CACNA1A: variants seen among roughly 807,000 people sequenced by gnomAD.
The protein encoded by CACNA1A is voltage-dependent P/Q-type calcium channel subunit alpha-1A.
CACNA1A carries 57 observed loss-of-function variants against 262.4 expected under a neutral mutation model. That is an observed-to-expected ratio of 0.22 (90% CI 0.18 to 0.27). The LOEUF (loss-of-function observed/expected upper bound fraction) is 0.27, where lower values mean the gene tolerates loss of function less well. Among genes scored for constraint, CACNA1A ranks in the 10% least tolerant of loss-of-function variants. The pLI, the probability that CACNA1A is intolerant of heterozygous loss-of-function variation, is 1.00. For synonymous variants in CACNA1A, 1,431 were observed against 1,419.3 expected, an observed-to-expected ratio of 1.01 and a Z score of -0.18; for missense variants, 2,526 against 3,562.8, an observed-to-expected ratio of 0.71 and a Z score of 7.41.
intron 3 of CACNA1A, among the ~76,000 whole-genome samples, chr19:13,415,569 G>A (rs1379379959): frequency 2.0e-5 from 3 of 151,216 alleles, no homozygotes; most frequent in South Asian, 2.1e-4. Context: ...GGCAAAACCC[G>A]GTCTCTACTG....
chr19:13,456,039 A>G (rs996105937), intron 1 of CACNA1A, among the ~76,000 whole-genome samples: 2 of 151,968 alleles, frequency 1.3e-5, no homozygotes, highest in Non-Finnish European at 2.9e-5. Flanking sequence ...AGTCCCAGCT[A>G]CTTGGGAGGC....
chr19:13,454,051 C>T (rs2161250), intron 2 of CACNA1A, among the ~76,000 whole-genome samples: 49,600 of 151,352 alleles, frequency 0.33, 10,041 homozygotes, highest in East Asian at 0.59. Flanking sequence ...TGTCTTTTTG[C>T]AGGCTAAGGA....
At chr19:13,263,750 A>T (rs1385884914) in intron 24 of CACNA1A, among the ~76,000 whole-genome samples, 1 of 151,696 alleles carries the variant, frequency 6.6e-6, no homozygotes, top group Non-Finnish European at 1.5e-5. Flanking sequence ...TGAACTCCTG[A>T]CCTCAGGTGA....
intron 38 of CACNA1A, among the ~76,000 whole-genome samples, chr19:13,223,259 T>A (rs938805765): frequency 2.0e-4 from 30 of 152,102 alleles, no homozygotes; most frequent in South Asian, 2.1e-4. Context: ...AGTGGCGTGA[T>A]CTCGGCTCAC....
At chr19:13,402,787 T>TATAC (rs1340501751) in intron 3 of CACNA1A, among the ~76,000 whole-genome samples, 1 of 129,020 alleles carries the variant, frequency 7.8e-6, no homozygotes, top group Non-Finnish European at 1.5e-5. Context: ...TACATATATA[T>TATAC]ACATATATAC....
chr19:13,265,691 T>C (rs907501771), intron 24 of CACNA1A, among the ~76,000 whole-genome samples: 1 of 152,170 alleles, frequency 6.6e-6, no homozygotes, highest in Non-Finnish European at 1.5e-5. Flanking sequence ...AAGTTTCTTT[T>C]CCACGTATCT....
chr19:13,210,669 G>T lies in CACNA1A; in HGVS notation c.6304-17C>A. 2 of 1,559,870 alleles carry T rather than the reference G, an allele frequency of 1.3e-6. No homozygotes were observed. Among genetic ancestry groups the T allele is most frequent in the South Asian group, 2.4e-5 (2 of 84,478 alleles). On this transcript the variant is annotated splice_polypyrimidine_tract_variant and intron_variant, in intron 43 of 46. Coordinates refer to ENST00000360228, the MANE Select transcript of CACNA1A (RefSeq NM_001127222.2). ...CCTTCTCCTCTGTCACAGCCCCATG[G>T]GATGGTGCACACAGAAAAAACAGAA...
chr19:13,422,744 A>C (rs893598874), intron 3 of CACNA1A, among the ~76,000 whole-genome samples: 4 of 152,152 alleles, frequency 2.6e-5, no homozygotes, highest in Non-Finnish European at 4.4e-5. Context: ...ATGTCAATGT[A>C]ACTGAGCCCC....
rs191997030 is a variant in CACNA1A, at chr19:13,385,610, T to C, written c.540-13831A>G. Among the ~76,000 whole-genome samples, 18 of 152,322 alleles carry C rather than the reference T, an allele frequency of 1.2e-4. 1 individual carries two copies. Among genetic ancestry groups the C allele is most frequent in the African/African-American group, 2.9e-4 (12 of 41,576 alleles). ...CCAGTCTCATGAGATCCTACTGCCT[T>C]GGACTCCTGAGTAGGTGGAACTATA... is the stretch of plus-strand genomic sequence containing the variant. On this transcript the variant is annotated intron_variant, in intron 3 of 46. Transcript: ENST00000360228.
At chr19:13,482,186 TAAG>T in intron 1 of CACNA1A, among the ~76,000 whole-genome samples, 1 of 152,086 alleles carries the variant, frequency 6.6e-6, no homozygotes, top group Admixed American at 6.5e-5. Context: ...CCACCAATAA[TAAG>T]AATAGCAGTA....
intron 3 of CACNA1A, among the ~76,000 whole-genome samples, chr19:13,375,412 T>C (rs929664725): frequency 1.3e-5 from 2 of 152,114 alleles, no homozygotes; most frequent in South Asian, 4.2e-4. Flanking sequence ...CTTTAAGTGC[T>C]CAAGTGAAAA....
chr19:13,326,176 C>T (rs1000693911), intron 10 of CACNA1A, among the ~76,000 whole-genome samples: 1 of 151,662 alleles, frequency 6.6e-6, no homozygotes, highest in East Asian at 2.0e-4. Context: ...ATTGGCAGGG[C>T]GTGGTGGTGT....
intron 11 of CACNA1A, among the ~76,000 whole-genome samples, chr19:13,313,320 G>A (rs1465404978): frequency 2.0e-5 from 3 of 151,814 alleles, no homozygotes. Context: ...TGGCTAACAT[G>A]GCAAACCCCG....
At chr19:13,352,162 T>C (rs1043798739) in intron 6 of CACNA1A, among the ~76,000 whole-genome samples, 1 of 152,096 alleles carries the variant, frequency 6.6e-6, no homozygotes, top group African/African-American at 2.4e-5. Context: ...TCAAGCCAAT[T>C]TGGGAGGCTG....
chr19:13,377,108 T>C (rs922471749), intron 3 of CACNA1A, among the ~76,000 whole-genome samples: 3 of 151,644 alleles, frequency 2.0e-5, no homozygotes, highest in Non-Finnish European at 4.4e-5. Context: ...TACAGGCACC[T>C]GCTACCATGC....
intron 3 of CACNA1A, among the ~76,000 whole-genome samples, chr19:13,447,551 TCA>T (rs2060838576): frequency 6.6e-6 from 1 of 152,206 alleles, no homozygotes; most frequent in African/African-American, 2.4e-5. Flanking sequence ...GAGAATTGAC[TCA>T]CACAATCACA....
intron 1 of CACNA1A, among the ~76,000 whole-genome samples, chr19:13,464,784 G>A (rs2061198384): frequency 1.3e-5 from 2 of 152,156 alleles, no homozygotes; most frequent in South Asian, 4.1e-4. Context: ...TCCTGACCTT[G>A]TGATCTGCCC....
intron 24 of CACNA1A, chr19:13,271,201 G>T (rs984441932): frequency 3.1e-5 from 4 of 130,228 alleles, no homozygotes; most frequent in African/African-American, 1.1e-4. Flanking sequence ...CTCCCCAAAA[G>T]AATCATTCTG....
At chr19:13,351,409 A>G (rs906645864) in intron 6 of CACNA1A, among the ~76,000 whole-genome samples, 1 of 151,246 alleles carries the variant, frequency 6.6e-6, no homozygotes, top group Non-Finnish European at 1.5e-5. Context: ...TGGCGGGATC[A>G]TAGCTCACTG....
Sources: gnomAD v4.1 joint callset for allele counts (sites outside exome capture counted in the v4.1 genomes callset) on GRCh38, gnomAD v4.1.1 for gene constraint, MANE v1.5 for transcripts, NCBI Gene and HGNC (gene_info 2026-07-23, HGNC 2026-07-21) for gene names.